The following WLS variants were observed in gnomAD, a reference collection of about 807,000 sequenced individuals.
WLS encodes the protein protein wntless homolog.
A neutral mutation model predicts 62.8 loss-of-function variants in WLS; 23 were observed. That is an observed-to-expected ratio of 0.37 (90% confidence interval 0.26 to 0.52). The LOEUF (loss-of-function observed/expected upper bound fraction) is 0.52. WLS is among the 20% of genes least tolerant of loss of function. WLS has a pLI of 0.92. For synonymous variants in WLS, 246 were observed against 244.1 expected (o/e 1.01, Z -0.07); for missense variants, 615 against 697.3 (o/e 0.88, Z 1.33).
intron 2 of WLS, among the ~76,000 whole-genome samples, chr1:68,179,083 C>T (rs770205566): frequency 2.0e-5 from 3 of 152,126 alleles, no homozygotes; most frequent in Non-Finnish European, 4.4e-5. Context: ...AACACAAGGT[C>T]GCATGTAACA....
rs977473172 is a variant in WLS at position 68,200,427 on chromosome 1, G to A, written c.107-6200C>T. ...TTTGGGGTACTAGAACTGGTTATTA[G>A]CCTTTATTTTTTAAAAATAATTGGG... On this transcript the variant is annotated intron_variant, in intron 1 of 11. Coordinates refer to ENST00000262348, the MANE Select transcript of WLS (RefSeq NM_024911.7). Among the ~76,000 whole-genome samples, 8 of 121,734 alleles carry A rather than the reference G, an allele frequency of 6.6e-5. No individual in the cohort carries two copies. The South Asian group carries it at 2.2e-3, about 34-fold the overall frequency. 79.9% of individuals were successfully genotyped at this position (121,734 alleles called of 152,430 possible).
chr1:68,130,403 G>A (rs1399299261), intron 11 of WLS, among the ~76,000 whole-genome samples: 2 of 152,154 alleles, frequency 1.3e-5, no homozygotes, highest in Non-Finnish European at 2.9e-5. Context: ...TTGTTCTCAA[G>A]GTCATACACA....
chr1:68,159,074 ACC>A, intron 3 of WLS, 47 bp downstream of exon 3: 1 of 1,607,820 alleles, frequency 6.2e-7, no homozygotes, highest in Middle Eastern at 1.7e-4. Flanking sequence ...CTTTCCACAT[ACC>A]TGAGAACCAA....
chr1:68,102,703 G>C (rs951324315), intron 11 of WLS: 1 of 152,228 alleles, frequency 6.6e-6, no homozygotes, highest in African/African-American at 2.4e-5. Context: ...GCCTTGAAAT[G>C]TAACCCAAGC....
chr1:68,197,794 TC>T (rs1648758142), intron 1 of WLS, among the ~76,000 whole-genome samples: 1 of 152,122 alleles, frequency 6.6e-6, no homozygotes, highest in Non-Finnish European at 1.5e-5. Context: ...GTGTCTAGAA[TC>T]AAAAAAAGTT....
chr1:68,173,171 T>C (rs997212645), intron 2 of WLS, among the ~76,000 whole-genome samples: 8 of 152,234 alleles, frequency 5.3e-5, no homozygotes, highest in Admixed American at 5.2e-4. Context: ...AATCTTTCGC[T>C]AACAAAGCTA....
intron 11 of WLS, among the ~76,000 whole-genome samples, chr1:68,112,255 C>T (rs114554871): frequency 0.043 from 6,516 of 152,278 alleles, 175 homozygotes; most frequent in African/African-American, 0.073. Flanking sequence ...TGCTCTTATG[C>T]AGTGCACTAG....
intron 2 of WLS, among the ~76,000 whole-genome samples, chr1:68,172,602 A>G (rs1004516949): frequency 6.6e-6 from 1 of 152,194 alleles, no homozygotes; most frequent in Non-Finnish European, 1.5e-5. Context: ...AGTATATATG[A>G]AGTATACAGT....
intron 2 of WLS, among the ~76,000 whole-genome samples, chr1:68,165,575 A>G (rs1647048801): frequency 6.6e-6 from 1 of 152,138 alleles, no homozygotes; most frequent in Non-Finnish European, 1.5e-5. Context: ...TGGGAGTGAA[A>G]AGGCTGCTAT....
chr1:68,184,950 C>CAA (rs201253666), intron 2 of WLS, among the ~76,000 whole-genome samples: 1 of 151,478 alleles, frequency 6.6e-6, no homozygotes, highest in African/African-American at 2.4e-5. Flanking sequence ...AACAAGCAAA[C>CAA]AAAAAAAACA....
intron 1 of WLS, among the ~76,000 whole-genome samples, chr1:68,219,652 T>C (rs1415782290): frequency 1.3e-5 from 2 of 152,230 alleles, no homozygotes; most frequent in Non-Finnish European, 2.9e-5. Context: ...CTACATTGCA[T>C]TGATCTGTAG....
rs1646633771 is a variant in WLS, at chr1:68,137,905, C to A, written c.1391G>T (p.Gly464Val). ...QVTEGHWKWG[G>V]VTVQVNSAFF... ...GGCACTGTTCACTTGGACTGTGACG[C>A]CGCCCCATTTCCAATGGCCTTCCGT... The change falls in exon 11 of 12, where the codon GGC (glycine) becomes GTC (valine). Residue 464 changes from glycine (G) to valine (V), a missense_variant. Coordinates refer to ENST00000262348, the MANE Select transcript of WLS (RefSeq NM_024911.7). The A allele has an allele frequency of 6.2e-7, 1 of 1,613,904 alleles. No homozygotes were observed. Among genetic ancestry groups the A allele is most frequent in the Non-Finnish European group, 8.5e-7 (1 of 1,179,862 alleles).
chr1:68,227,405 CA>C lies in WLS; in HGVS notation c.106+4788del, dbSNP rs59704442. Among the ~76,000 whole-genome samples the C allele has an allele frequency of 6.3e-3, 708 of 112,824 alleles. 4 individuals carry two copies. Among genetic ancestry groups the C allele is most frequent in the Middle Eastern group, 0.015 (3 of 196 alleles). The allele number at this position is 112,824 out of a possible 152,430, so 74.0% of individuals were successfully genotyped here. A position where few individuals can be genotyped will look rare whatever the true frequency, so the allele number is the denominator to read the frequency against. ...TGGCTGACAGAACGAGACTCCGTCA[CA>C]AAAAAAAAAAAAAAAAAAAGAGCAA... is the stretch of plus-strand genomic sequence containing the variant. On this transcript the variant is annotated intron_variant, in intron 1 of 11. Transcript: ENST00000262348.
intron 1 of WLS, among the ~76,000 whole-genome samples, chr1:68,217,002 C>G (rs1649757150): frequency 6.6e-6 from 1 of 152,102 alleles, no homozygotes; most frequent in African/African-American, 2.4e-5. Context: ...TAAAAAATGG[C>G]AAAAAATTTC....
Position 68,232,378 on chromosome 1 carries a change from CCCTCCTTCCTCG to C in WLS, c.-91_-80del, listed in dbSNP as rs1185705364. 4 of 1,529,072 alleles carry C rather than the reference CCCTCCTTCCTCG, an allele frequency of 2.6e-6. No individual in the cohort carries two copies. The highest frequency in any genetic ancestry group is 3.5e-6 in the Non-Finnish European group (4 of 1,135,836). 94.7% of individuals were successfully genotyped at this position (1,529,072 alleles called of 1,614,324 possible). The stretch of plus-strand genomic sequence containing the variant: ...TTTTTGCTCCCTCCTCTCACACACT[CCCTCCTTCCTCG>C]CCTCCTTTCTGGGCGCTGCAAAACT... On this transcript the variant is annotated 5_prime_UTR_variant, in exon 1 of 12. Transcript: ENST00000262348.
At chr1:68,185,260 C>G (rs187094509) in intron 2 of WLS, among the ~76,000 whole-genome samples, 2 of 152,210 alleles carry the variant, frequency 1.3e-5, no homozygotes, top group East Asian at 3.9e-4. Context: ...CCATGACCCT[C>G]CTCCTTAGGA....
At chr1:68,138,851 T>G (rs1354914978) in intron 10 of WLS, among the ~76,000 whole-genome samples, 2 of 152,234 alleles carry the variant, frequency 1.3e-5, no homozygotes, top group African/African-American at 4.8e-5. Context: ...GACAGCTGAA[T>G]GAGGCTGCGT....
intron 2 of WLS, chr1:68,161,672 T>G (rs376424411): frequency 9.8e-7 from 1 of 1,024,484 alleles, no homozygotes; most frequent in Non-Finnish European, 1.5e-6. Context: ...AAGACCATCA[T>G]ATTCTTTTTC....
intron 1 of WLS, among the ~76,000 whole-genome samples, chr1:68,211,296 C>A (rs1473431596): frequency 6.7e-6 from 1 of 148,442 alleles, no homozygotes; most frequent in Non-Finnish European, 1.5e-5. Context: ...TCTACTGAGG[C>A]ACACAGCCTC....
Sources: allele counts gnomAD v4.1 joint callset (sites outside exome capture counted in the v4.1 genomes callset), GRCh38; gene constraint gnomAD v4.1.1; transcripts MANE v1.5; gene names NCBI Gene and HGNC (gene_info 2026-07-23, HGNC 2026-07-21).